The following OCIAD2 variants were observed in gnomAD, a reference collection of about 807,000 sequenced individuals.
OCIAD2 encodes OCIA domain-containing protein 2.
In OCIAD2, 29 loss-of-function variants were observed where a neutral mutation model predicts 22.9. The ratio of observed to expected loss-of-function variants is 1.27; its 90% CI spans 0.94 to 1.73. The LOEUF (loss-of-function observed/expected upper bound fraction) is 1.73, where lower values mean the gene tolerates loss of function less well. Among genes scored for constraint, OCIAD2 ranks in the 40% most tolerant of loss-of-function variants. OCIAD2 has a pLI of 0.00. For synonymous variants in OCIAD2, 67 were observed against 60.2 expected, an observed-to-expected ratio of 1.11 and a Z score of -0.52; for missense variants, 189 against 180.3, an observed-to-expected ratio of 1.05 and a Z score of -0.28.
intron 2 of OCIAD2, among the ~76,000 whole-genome samples, chr4:48,900,744 T>C (rs1366462353): frequency 6.6e-6 from 1 of 150,784 alleles, no homozygotes; most frequent in Non-Finnish European, 1.5e-5. Context: ...GCAATCCTCC[T>C]ACCTTAGCTC....
intron 2 of OCIAD2, among the ~76,000 whole-genome samples, chr4:48,900,157 C>CGCAGGCAGCAGATTT (rs372718209): frequency 0.058 from 8,794 of 152,114 alleles, 350 homozygotes; most frequent in Non-Finnish European, 0.088. Context: ...CACTGACTGG[C>CGCAGGCAGCAGATTT]GCAGGCAGCA....
intron 2 of OCIAD2, among the ~76,000 whole-genome samples, chr4:48,900,643 T>C (rs1202769857): frequency 6.6e-6 from 1 of 151,714 alleles, no homozygotes; most frequent in Non-Finnish European, 1.5e-5. Context: ...GCAGTGTTTT[T>C]TTTTTTTTTG....
At chr4:48,888,997 T>C (rs901153595) in intron 6 of OCIAD2, among the ~76,000 whole-genome samples, 1 of 152,224 alleles carries the variant, frequency 6.6e-6, no homozygotes, top group African/African-American at 2.4e-5. Context: ...AGCTATTAAT[T>C]ATTGCCTCAA....
chr4:48,897,295 G>GTTA (rs939797892), intron 4 of OCIAD2: 3 of 157,732 alleles, frequency 1.9e-5, no homozygotes, highest in Admixed American at 6.5e-5. Flanking sequence ...TGAAAACCAA[G>GTTA]GTTTTAACTG....
intron 5 of OCIAD2, 174 bp from the exon 6 acceptor site, chr4:48,893,063 C>A: frequency 2.1e-6 from 1 of 467,914 alleles, no homozygotes; most frequent in East Asian, 3.7e-5. Context: ...GAACTGGAGA[C>A]TTCCCCATCT....
intron 6 of OCIAD2, among the ~76,000 whole-genome samples, chr4:48,888,985 T>G (rs1006823409): frequency 4.6e-5 from 7 of 152,238 alleles, no homozygotes; most frequent in African/African-American, 1.4e-4. Context: ...TTTTGGTTGG[T>G]AAGCTATTAA....
At chr4:48,895,757 CAATCT>C (rs1272013777) in intron 4 of OCIAD2, among the ~76,000 whole-genome samples, 1 of 152,112 alleles carries the variant, frequency 6.6e-6, no homozygotes, top group Admixed American at 6.6e-5. Context: ...CTCTTGCCTG[CAATCT>C]CAGCACTTTG....
chr4:48,902,964 A>G (rs1237374356), intron 2 of OCIAD2, among the ~76,000 whole-genome samples: 1 of 151,936 alleles, frequency 6.6e-6, no homozygotes, highest in East Asian at 1.9e-4. Context: ...AAAAAAAAGG[A>G]TCTCTGGTTA....
At chr4:48,887,555 T>C (rs1204864176) in intron 6 of OCIAD2, among the ~76,000 whole-genome samples, 7 of 152,358 alleles carry the variant, frequency 4.6e-5, no homozygotes, top group Admixed American at 3.9e-4. Context: ...TTTCTACATA[T>C]GGCTAGCCAG....
intron 6 of OCIAD2, among the ~76,000 whole-genome samples, chr4:48,887,597 C>A (rs1319586558): frequency 6.6e-6 from 1 of 152,168 alleles, no homozygotes; most frequent in Non-Finnish European, 1.5e-5. Context: ...AGTAGGGAAT[C>A]CTTTCCCCAT....
Position 48,892,834 on chromosome 4 carries a change from C to T in OCIAD2, c.321G>A (p.Gln107=). The change falls in exon 6 of 7, where the codon CAG becomes CAA. Residue 107 remains glutamine, a synonymous_variant. Transcript: ENST00000508632. ...GATCTTCAAAAAAATGGAATTTACT[C>T]TGGCATACTCCTATGTATGATACCT... is the stretch of plus-strand genomic sequence containing the variant. The part of the protein sequence containing the change: ...LGKVSYIGVC[Q]SKFHFFEDQL... 1 of 1,613,306 alleles carries T rather than the reference C, an allele frequency of 6.2e-7. No individual in the cohort carries two copies. The highest frequency in any genetic ancestry group is 1.1e-5 in the South Asian group (1 of 90,868).
chr4:48,900,887 C>T (rs1781400433), intron 2 of OCIAD2, among the ~76,000 whole-genome samples: 2 of 152,104 alleles, frequency 1.3e-5, no homozygotes, highest in African/African-American at 4.8e-5. Context: ...AGTCACTGAT[C>T]CCAGCCTTGC....
intron 6 of OCIAD2, among the ~76,000 whole-genome samples, chr4:48,888,664 T>C (rs1332498066): frequency 5.9e-5 from 9 of 152,182 alleles, no homozygotes; most frequent in Non-Finnish European, 1.3e-4. Flanking sequence ...GTTCAACCAG[T>C]CTTGCATCCC....
At chr4:48,904,081 A>G (rs1261945901) in intron 2 of OCIAD2, among the ~76,000 whole-genome samples, 1 of 152,178 alleles carries the variant, frequency 6.6e-6, no homozygotes, top group Non-Finnish European at 1.5e-5. Flanking sequence ...ACTGAAAAAA[A>G]TAAGATGACT....
rs532980786 is a variant in OCIAD2, at chr4:48,885,645, T to C, written c.384-80A>G. On this transcript the variant is annotated intron_variant, in intron 6 of 6. Coordinates refer to ENST00000508632, the MANE Select transcript of OCIAD2 (RefSeq NM_001014446.3). Reference sequence around the variant, plus strand: ...GTCTTTACATAACATATTATTCTTATTATTTTAACATAATCTTTTTAATAG... The same window carrying C: ...GTCTTTACATAACATATTATTCTTACTATTTTAACATAATCTTTTTAATAG... The C allele has an allele frequency of 5.7e-4, 440 of 772,128 alleles. 8 individuals are homozygous for C. In the South Asian group the frequency reaches 6.6e-3, roughly 12 times the overall value. The allele number at this position is 772,128 out of a possible 1,614,324, so 47.8% of individuals were successfully genotyped here. A position where few individuals can be genotyped will look rare whatever the true frequency, so the allele number is the denominator to read the frequency against.
chr4:48,905,150 G>A (rs1292254113), intron 1 of OCIAD2, among the ~76,000 whole-genome samples: 2 of 152,052 alleles, frequency 1.3e-5, no homozygotes, highest in Non-Finnish European at 2.9e-5. Context: ...CAAAGACCCT[G>A]GTGGGAATTT....
chr4:48,889,606 A>G (rs1781105528), intron 6 of OCIAD2, among the ~76,000 whole-genome samples: 1 of 152,224 alleles, frequency 6.6e-6, no homozygotes, highest in Admixed American at 6.5e-5. Flanking sequence ...TCAGGAAACA[A>G]CAGGTGCTGG....
At chr4:48,893,961 T>G (rs757368848) in intron 5 of OCIAD2, 45 bp downstream of exon 5, 20 of 1,316,020 alleles carry the variant, frequency 1.5e-5, no homozygotes, top group Middle Eastern at 4.1e-4. Context: ...GGATTACAGA[T>G]GTGAGCCACC....
At chr4:48,903,863 T>G (rs1325134919) in intron 2 of OCIAD2, among the ~76,000 whole-genome samples, 1 of 152,004 alleles carries the variant, frequency 6.6e-6, no homozygotes, top group Admixed American at 6.5e-5. Context: ...GCCAGGATGG[T>G]CTCGATCTCT....
Sources: allele counts gnomAD v4.1 joint callset (sites outside exome capture counted in the v4.1 genomes callset), GRCh38; gene constraint gnomAD v4.1.1; transcripts MANE v1.5; gene names NCBI Gene and HGNC (gene_info 2026-07-23, HGNC 2026-07-21).